Variants in ZNF536 observed in about 807,000 individuals in gnomAD.
ZNF536 encodes the protein zinc finger protein 536.
Under a neutral mutation model 84.5 loss-of-function variants are expected in ZNF536, and 13 were observed. The observed-to-expected ratio is 0.15, with a 90% CI of 0.10 to 0.24. The LOEUF (loss-of-function observed/expected upper bound fraction) is 0.24. ZNF536 is among the 10% of genes least tolerant of loss of function. ZNF536 has a pLI of 1.00. For missense variants in ZNF536, 1,536 were observed against 1,747.5 expected (o/e 0.88, Z 2.16); for synonymous variants, 811 against 742.5 (o/e 1.09, Z -1.50).
chr19:30,545,684 A>G (rs996833842), intron 3 of ZNF536, among the ~76,000 whole-genome samples: 1 of 152,056 alleles, frequency 6.6e-6, no homozygotes, highest in African/African-American at 2.4e-5. Context: ...GGTGTGAGCC[A>G]CTGCGCTTGG....
rs981951927 is a variant in ZNF536 at position 30,259,574 on chromosome 19, G to A, written c.-189-24498G>A. On this transcript the variant is annotated intron_variant, in intron 1 of 5. Transcript: ENST00000585628. ...TGAGGTGTAAGAGCCACTGCTTCAG[G>A]GGTTATAAAATGGCAGTGGCTTTTC... Among the ~76,000 whole-genome samples, 5 of 152,130 alleles carry A rather than the reference G, an allele frequency of 3.3e-5. No homozygotes were observed. In the East Asian group the frequency reaches 5.8e-4, roughly 18 times the overall value.
chr19:30,692,228 C>G (rs991929371), intron 1 of ZNF536, among the ~76,000 whole-genome samples: 1 of 152,336 alleles, frequency 6.6e-6, no homozygotes, highest in Non-Finnish European at 1.5e-5. Context: ...CTGCTGAAAC[C>G]AAACGGGTGC....
chr19:30,507,085 G>C (rs2055204453), intron 2 of ZNF536, among the ~76,000 whole-genome samples: 1 of 152,176 alleles, frequency 6.6e-6, no homozygotes, highest in South Asian at 2.1e-4. Context: ...GACCTGGCTG[G>C]GCGTGGTGGC....
chr19:30,404,744 C>T lies in ZNF536; in HGVS notation c.-3+32188C>T, dbSNP rs370530169. Reference sequence around the variant, plus strand: ...CCAAATGTCCGGAGGCGGGGGGGCTCCTCAACACACCCAGCAGTGGACACC... The same window carrying T: ...CCAAATGTCCGGAGGCGGGGGGGCTTCTCAACACACCCAGCAGTGGACACC... On this transcript the variant is annotated intron_variant, in intron 1 of 4. Coordinates refer to ENST00000355537, the MANE Select transcript of ZNF536 (RefSeq NM_014717.3). Among the ~76,000 whole-genome samples, 5 of 152,188 alleles carry T rather than the reference C, an allele frequency of 3.3e-5. No individual in the cohort carries two copies. The East Asian group carries it at 9.7e-4, about 30-fold the overall frequency.
chr19:30,591,325 C>G (rs2047270886), intron 1 of ZNF536, among the ~76,000 whole-genome samples: 1 of 152,146 alleles, frequency 6.6e-6, no homozygotes, highest in Non-Finnish European at 1.5e-5. Context: ...ATACCCAAGA[C>G]TGGGTAATTT....
intron 1 of ZNF536, among the ~76,000 whole-genome samples, chr19:30,623,714 C>T (rs912218010): frequency 6.6e-6 from 1 of 152,168 alleles, no homozygotes; most frequent in Non-Finnish European, 1.5e-5. Context: ...TTGGACCAGC[C>T]CCATCCTAGA....
At chr19:30,264,395 CTGTGTGTGTGTG>C (rs66665013) in intron 1 of ZNF536, among the ~76,000 whole-genome samples, 3 of 124,556 alleles carry the variant, frequency 2.4e-5, no homozygotes, top group Admixed American at 7.6e-5. Context: ...AGTTGTGCCT[CTGTGTGTGTGTG>C]TGTGTGTGTG....
chr19:30,682,094 G>A (rs1046143398), intron 1 of ZNF536, among the ~76,000 whole-genome samples: 1 of 152,160 alleles, frequency 6.6e-6, no homozygotes, highest in Non-Finnish European at 1.5e-5. Flanking sequence ...GGAGAACAAC[G>A]AGGGAGGGGC....
intron 2 of ZNF536, among the ~76,000 whole-genome samples, chr19:30,458,445 C>CTTTTT (rs1568451738): frequency 8.5e-5 from 8 of 93,640 alleles, no homozygotes; most frequent in South Asian, 3.2e-4. Flanking sequence ...CAATTTCCTG[C>CTTTTT]TGTTTTTTTT....
chr19:30,286,279 G>C (rs550777588), intron 2 of ZNF536, among the ~76,000 whole-genome samples: 1 of 152,216 alleles, frequency 6.6e-6, no homozygotes, highest in Non-Finnish European at 1.5e-5. Flanking sequence ...ATCAAAGTGG[G>C]AAGTTTTGTC....
At chr19:30,385,606 C>T (rs888036569) in intron 1 of ZNF536, among the ~76,000 whole-genome samples, 1 of 152,198 alleles carries the variant, frequency 6.6e-6, no homozygotes, top group Non-Finnish European at 1.5e-5. Flanking sequence ...CCCAGGCATC[C>T]TTCTCCTTCT....
At chr19:30,532,193 G>A (rs1202331218) in intron 2 of ZNF536, among the ~76,000 whole-genome samples, 4 of 151,764 alleles carry the variant, frequency 2.6e-5, no homozygotes, top group African/African-American at 7.3e-5. Flanking sequence ...ATGGTGGTGC[G>A]ATCTCAGCTC....
intron 1 of ZNF536, among the ~76,000 whole-genome samples, chr19:30,377,364 C>A (rs1359612612): frequency 6.6e-6 from 1 of 152,156 alleles, no homozygotes; most frequent in Non-Finnish European, 1.5e-5. Flanking sequence ...ACTATAGTCG[C>A]TTCTGTGGTC....
At chr19:30,492,934 T>C (rs922022158) in intron 2 of ZNF536, among the ~76,000 whole-genome samples, 1 of 152,126 alleles carries the variant, frequency 6.6e-6, no homozygotes, top group African/African-American at 2.4e-5. Flanking sequence ...GCCCAACATT[T>C]GCAAGACACA....
In ZNF536 at chr19:30,238,797, G is replaced by A. The variant is rs1245244050; in HGVS notation, c.-190+10124G>A. Reference sequence around the variant, plus strand: ...ACAATAGCAAAATGAAAGCAGTGATGTTCTCCTAGTTTCCATGTTCCAAAT... The same window carrying A: ...ACAATAGCAAAATGAAAGCAGTGATATTCTCCTAGTTTCCATGTTCCAAAT... On this transcript the variant is annotated intron_variant, in intron 1 of 5. Transcript: ENST00000585628. 2.8e-5 allele frequency among the ~76,000 whole-genome samples: 4 copies of A among 145,216 alleles called. No homozygotes were observed. In the East Asian group the frequency reaches 6.2e-4, roughly 23 times the overall value.
intron 2 of ZNF536, among the ~76,000 whole-genome samples, chr19:30,285,342 A>G (rs1313914369): frequency 6.6e-6 from 1 of 152,166 alleles, no homozygotes; most frequent in Non-Finnish European, 1.5e-5. Flanking sequence ...CCACATCTGT[A>G]GGCCCTGTTG....
chr19:30,683,191 G>A (rs1054503796), intron 1 of ZNF536, among the ~76,000 whole-genome samples: 2 of 152,178 alleles, frequency 1.3e-5, no homozygotes, highest in Admixed American at 6.5e-5. Flanking sequence ...TTGAAAGCCG[G>A]GTCTCGGGGA....
chr19:30,362,888 G>A (rs1568360325), intron 3 of ZNF536, among the ~76,000 whole-genome samples: 4 of 151,974 alleles, frequency 2.6e-5, no homozygotes, highest in Non-Finnish European at 4.4e-5. Context: ...GTAAAACCCC[G>A]TCTCTACTAA....
At chr19:30,287,151 C>A (rs1234518166) in intron 2 of ZNF536, among the ~76,000 whole-genome samples, 1 of 140,396 alleles carries the variant, frequency 7.1e-6, no homozygotes, top group Non-Finnish European at 1.5e-5. Context: ...GCCTGATGCA[C>A]AATAGCTTCT....
Sources: allele counts gnomAD v4.1 joint callset (sites outside exome capture counted in the v4.1 genomes callset), GRCh38; gene constraint gnomAD v4.1.1; transcripts MANE v1.5; gene names NCBI Gene and HGNC (gene_info 2026-07-23, HGNC 2026-07-21).